Variants in MAP3K7CL observed in about 807,000 individuals in gnomAD.
MAP3K7CL encodes the protein MAP3K7 C-terminal-like protein.
Under a neutral mutation model 18.6 loss-of-function variants are expected in MAP3K7CL, and 16 were observed. The observed-to-expected ratio is 0.86, with a 90% confidence interval of 0.58 to 1.31. The LOEUF is 1.31. MAP3K7CL is among the 50% of genes most tolerant of loss of function. The pLI is 0.00. For synonymous variants in MAP3K7CL, 65 were observed against 66.8 expected, an observed-to-expected ratio of 0.97 and a Z score of 0.13; for missense variants, 163 against 174.4, an observed-to-expected ratio of 0.93 and a Z score of 0.37.
At chr21:29,118,948 C>T (rs778316576) in intron 4 of MAP3K7CL, among the ~76,000 whole-genome samples, 1 of 152,246 alleles carries the variant, frequency 6.6e-6, no homozygotes, top group Admixed American at 6.5e-5. Context: ...ATTCCCCATT[C>T]CAGAGGTAAA....
upstream of MAP3K7CL, among the ~76,000 whole-genome samples, chr21:29,085,471 C>T (rs555818820): frequency 2.0e-5 from 3 of 149,812 alleles, no homozygotes; most frequent in South Asian, 2.1e-4. Context: ...GGAGTGAACC[C>T]GGGAGGCGGA....
chr21:29,082,338 A>C (rs2085849471), upstream of MAP3K7CL, among the ~76,000 whole-genome samples: 1 of 152,198 alleles, frequency 6.6e-6, no homozygotes, highest in African/African-American at 2.4e-5. Flanking sequence ...CTCACAAAAT[A>C]ATTTCTCACA....
At chr21:29,077,983 G>T (rs2085776781) in intron 1 of MAP3K7CL, among the ~76,000 whole-genome samples, 1 of 152,100 alleles carries the variant, frequency 6.6e-6, no homozygotes, top group Non-Finnish European at 1.5e-5. Context: ...TTCACTATTT[G>T]TTTCTAGTTA....
At chr21:29,091,724 C>A (rs150407882) in exon 3 of MAP3K7CL, 1 of 702,490 alleles carries the variant, frequency 1.4e-6, no homozygotes, top group East Asian at 2.7e-5. Context: ...TTCAAGCAGT[C>A]CTCCTGCTTT....
intron 4 of MAP3K7CL, among the ~76,000 whole-genome samples, chr21:29,094,020 T>C (rs2086076887): frequency 6.6e-6 from 1 of 152,274 alleles, no homozygotes; most frequent in South Asian, 2.1e-4. Context: ...TATCTGTGAA[T>C]ATCATTTTTG....
intron 2 of MAP3K7CL, among the ~76,000 whole-genome samples, chr21:29,134,421 G>GT (rs2086840718): frequency 6.6e-6 from 1 of 152,192 alleles, no homozygotes; most frequent in Admixed American, 6.5e-5. Flanking sequence ...AAGGAGCTCT[G>GT]TGAAATCTGA....
At chr21:29,093,929 G>A (rs1336084634) in intron 4 of MAP3K7CL, among the ~76,000 whole-genome samples, 1 of 152,222 alleles carries the variant, frequency 6.6e-6, no homozygotes, top group East Asian at 1.9e-4. Flanking sequence ...TAGGATTACT[G>A]TGGGGAGCAA....
chr21:29,086,176 T>G (rs8130098), intron 1 of MAP3K7CL, among the ~76,000 whole-genome samples: 2,747 of 152,296 alleles, frequency 0.018, 90 homozygotes, highest in African/African-American at 0.063. Context: ...TTTTGAAAAC[T>G]GATTCTAAAA....
chr21:29,114,112 A>G (rs949342275), intron 4 of MAP3K7CL, among the ~76,000 whole-genome samples: 8 of 152,106 alleles, frequency 5.3e-5, no homozygotes, highest in African/African-American at 1.9e-4. Flanking sequence ...TCTGTCACCC[A>G]GGCTGGAGTG....
intron 2 of MAP3K7CL, among the ~76,000 whole-genome samples, chr21:29,147,813 G>A (rs2087172159): frequency 6.6e-6 from 1 of 151,032 alleles, no homozygotes; most frequent in South Asian, 2.1e-4. Flanking sequence ...TATGTGTACT[G>A]TATAAACCTA....
At chr21:29,087,457 A>G (rs1446482309) in intron 1 of MAP3K7CL, among the ~76,000 whole-genome samples, 1 of 152,212 alleles carries the variant, frequency 6.6e-6, no homozygotes, top group Non-Finnish European at 1.5e-5. Context: ...TTAAGTGTTC[A>G]ATAAATGAAT....
At chr21:29,139,663 C>T (rs2086961189) in intron 2 of MAP3K7CL, among the ~76,000 whole-genome samples, 2 of 152,038 alleles carry the variant, frequency 1.3e-5, no homozygotes. Context: ...CGGCTCACTG[C>T]AACCTTCACC....
upstream of MAP3K7CL, among the ~76,000 whole-genome samples, chr21:29,084,890 A>G (rs1203021489): frequency 6.6e-6 from 1 of 152,250 alleles, no homozygotes; most frequent in African/African-American, 2.4e-5. Flanking sequence ...GATGAGTAAG[A>G]AAGTTTATTT....
chr21:29,118,399 T>G (rs920402728), intron 4 of MAP3K7CL, among the ~76,000 whole-genome samples: 4 of 151,274 alleles, frequency 2.6e-5, no homozygotes, highest in Non-Finnish European at 4.4e-5. Flanking sequence ...GTACCTTCCC[T>G]ATTAGGCACT....
intron 3 of MAP3K7CL, among the ~76,000 whole-genome samples, chr21:29,150,260 T>C (rs1447170854): frequency 2.6e-5 from 4 of 152,194 alleles, no homozygotes; most frequent in Non-Finnish European, 4.4e-5. Context: ...CAAGATAGTG[T>C]TCCTTTTTGT....
At position 29,151,496 on chromosome 21, in the gene MAP3K7CL, T is replaced by C. The variant is rs546003116; in HGVS notation, c.132+2246T>C. On this transcript the variant is annotated intron_variant, in intron 3 of 4. Transcript: ENST00000399928. ...CTCAAAAAAATAAAAAAGAAAGTAA[T>C]GGCAAAAACTACAACTTCTTTTGCA... Among the ~76,000 whole-genome samples the C allele has an allele frequency of 3.3e-5, 5 of 152,098 alleles. No individual in the cohort carries two copies. In the South Asian group the frequency reaches 1.0e-3, roughly 32 times the overall value.
intron 4 of MAP3K7CL, among the ~76,000 whole-genome samples, chr21:29,119,777 C>T (rs1490246084): frequency 6.6e-6 from 1 of 151,838 alleles, no homozygotes; most frequent in Non-Finnish European, 1.5e-5. Context: ...ATTCTCCTGC[C>T]TCAGCCTTTT....
At chr21:29,173,017 T>C (rs1179700001) in intron 4 of MAP3K7CL, among the ~76,000 whole-genome samples, 2 of 152,228 alleles carry the variant, frequency 1.3e-5, no homozygotes, top group African/African-American at 4.8e-5. Flanking sequence ...TGTAGCCAAC[T>C]GTAGTGATGA....
intron 4 of MAP3K7CL, among the ~76,000 whole-genome samples, chr21:29,114,775 A>G (rs1005850471): frequency 1.3e-5 from 2 of 152,246 alleles, no homozygotes; most frequent in African/African-American, 4.8e-5. Flanking sequence ...CAGAGACTGT[A>G]GGGTGTAGAC....
Sources: allele counts gnomAD v4.1 joint callset (sites outside exome capture counted in the v4.1 genomes callset), GRCh38; gene constraint gnomAD v4.1.1; transcripts MANE v1.5; gene names NCBI Gene and HGNC (gene_info 2026-07-23, HGNC 2026-07-21).